Variants in SMG6 observed in about 807,000 individuals in gnomAD.
SMG6 encodes telomerase-binding protein EST1A.
In SMG6, 66 loss-of-function variants were observed where a neutral mutation model predicts 142.2. The observed-to-expected ratio is 0.46, with a 90% CI of 0.38 to 0.57. The LOEUF is 0.57. Among genes scored for constraint, SMG6 ranks in the 20% least tolerant of loss-of-function variants. The pLI is 0.00. For missense variants in SMG6, 1,793 were observed against 1,832.0 expected (o/e 0.98, Z 0.39); for synonymous variants, 779 against 702.4 (o/e 1.11, Z -1.72).
intron 10 of SMG6, among the ~76,000 whole-genome samples, chr17:2,207,822 C>T (rs755772422): frequency 6.6e-6 from 1 of 152,150 alleles, no homozygotes; most frequent in Non-Finnish European, 1.5e-5. Context: ...TAGCAACCCC[C>T]TGCCAAACAG....
chr17:2,068,298 G>A lies in SMG6; in HGVS notation c.3835+480C>T, dbSNP rs756317681. 3.3e-5 allele frequency among the ~76,000 whole-genome samples: 5 copies of A among 152,162 alleles called. No homozygotes were observed. Among genetic ancestry groups the A allele is most frequent in the Non-Finnish European group, 7.4e-5 (5 of 68,026 alleles). ...GGGTTCCTGCTGGCCTAGCCTTAGGGTGACACTGGCCAGAAGAATGCTACC... is the reference window on the plus strand; with the variant it reads ...GGGTTCCTGCTGGCCTAGCCTTAGGATGACACTGGCCAGAAGAATGCTACC... On this transcript the variant is annotated intron_variant, in intron 16 of 18. Transcript: ENST00000263073. The surrounding 1 kb of genome is among the most constrained non-coding windows in gnomAD (Gnocchi z 6.7).
intron 12 of SMG6, among the ~76,000 whole-genome samples, chr17:2,177,109 GT>G (rs2151664601): frequency 6.6e-6 from 1 of 152,258 alleles, no homozygotes; most frequent in South Asian, 2.1e-4. Flanking sequence ...GCTGAGGTGA[GT>G]TCTGCAAATA....
In SMG6 at chr17:2,224,995, G is replaced by A. The variant is rs546219041; in HGVS notation, c.2869+11497C>T. Among the ~76,000 whole-genome samples the A allele has an allele frequency of 5.9e-5, 9 of 152,182 alleles. No individual in the cohort carries two copies. The East Asian group carries it at 1.7e-3, about 29-fold the overall frequency. On this transcript the variant is annotated intron_variant, in intron 10 of 18. Transcript: ENST00000263073. ...ATGGGCTGAGCAAAAGTAACTGTTA[G>A]GCTAGAATTCTATTACTGGAATAAG... is the stretch of plus-strand genomic sequence containing the variant.
At chr17:2,063,272 A>G (rs2067837812) in intron 18 of SMG6, 1 of 152,256 alleles carries the variant, frequency 6.6e-6, no homozygotes, top group African/African-American at 2.4e-5. Flanking sequence ...TAGAAACCAG[A>G]GACTGTCATC....
intron 13 of SMG6, among the ~76,000 whole-genome samples, chr17:2,167,127 A>C (rs2071363383): frequency 1.3e-5 from 1 of 78,068 alleles, no homozygotes; most frequent in Non-Finnish European, 2.5e-5. Context: ...GTAGGACTCC[A>C]TCTCAAAAAA....
At chr17:2,087,472 C>T (rs2068595998) in intron 13 of SMG6, 1 of 1,088,714 alleles carries the variant, frequency 9.2e-7, no homozygotes. Flanking sequence ...TCACCATTGG[C>T]CCTGTTACCA....
chr17:2,301,114 TTAACA>T (rs1459055541), intron 1 of SMG6, among the ~76,000 whole-genome samples: 1 of 152,194 alleles, frequency 6.6e-6, no homozygotes, highest in Non-Finnish European at 1.5e-5. Context: ...CTAAGTTCTT[TTAACA>T]TAACAGCAGG....
chr17:2,129,742 T>A (rs930760553), intron 13 of SMG6, among the ~76,000 whole-genome samples: 3 of 122,642 alleles, frequency 2.4e-5, no homozygotes, highest in Admixed American at 2.4e-4. Context: ...TGCAATGAGC[T>A]GAGATCATGC....
chr17:2,140,495 T>C (rs8070954), intron 13 of SMG6, among the ~76,000 whole-genome samples: 112,806 of 152,002 alleles, frequency 0.74, 42,375 homozygotes, highest in African/African-American at 0.8. Context: ...CATGGTGAAA[T>C]CCTGTCTCTA....
chr17:2,097,462 G>T (rs542422417), intron 13 of SMG6, among the ~76,000 whole-genome samples: 1 of 152,092 alleles, frequency 6.6e-6, no homozygotes, highest in African/African-American at 2.4e-5. Flanking sequence ...TACACTAACA[G>T]ACTTTTTTCC....
intron 10 of SMG6, among the ~76,000 whole-genome samples, chr17:2,223,210 G>A (rs216172): frequency 6.6e-6 from 1 of 152,032 alleles, no homozygotes; most frequent in Non-Finnish European, 1.5e-5. Flanking sequence ...ACTGATCCTT[G>A]CCTCAGAAGC....
intron 5 of SMG6, 118 bp from the exon 6 acceptor site, chr17:2,292,748 T>C: frequency 7.0e-7 from 1 of 1,435,954 alleles, no homozygotes; most frequent in South Asian, 1.2e-5. Context: ...CCTGGAGGGG[T>C]AAGGCATGAC....
chr17:2,210,842 C>G (rs1222839684), intron 10 of SMG6, among the ~76,000 whole-genome samples: 5 of 148,920 alleles, frequency 3.4e-5, no homozygotes, highest in Admixed American at 6.7e-5. Flanking sequence ...CCCTTGTTAA[C>G]TAACTGAGTG....
intron 13 of SMG6, among the ~76,000 whole-genome samples, chr17:2,159,674 T>A (rs762476507): frequency 6.6e-6 from 1 of 152,198 alleles, no homozygotes; most frequent in Non-Finnish European, 1.5e-5. Context: ...CCTGGATATT[T>A]ATCCAAGAGA....
At chr17:2,238,451 G>A (rs551759271) in intron 9 of SMG6, among the ~76,000 whole-genome samples, 6 of 152,152 alleles carry the variant, frequency 3.9e-5, no homozygotes, top group South Asian at 2.1e-4. Flanking sequence ...GACTAGATCC[G>A]TTTTTCCCCA....
At chr17:2,147,342 A>G (rs965463541) in intron 13 of SMG6, among the ~76,000 whole-genome samples, 1 of 152,122 alleles carries the variant, frequency 6.6e-6, no homozygotes, top group African/African-American at 2.4e-5. Context: ...GCAGTGAGCC[A>G]GGATTGCACC....
At chr17:2,243,033 G>GGTGGCA (rs1217496262) in intron 9 of SMG6, among the ~76,000 whole-genome samples, 3 of 152,318 alleles carry the variant, frequency 2.0e-5, no homozygotes, top group East Asian at 1.9e-4. Flanking sequence ...AACTTAAACT[G>GGTGGCA]GTGGCAGTGG....
chr17:2,298,808 T>A, intron 2 of SMG6, 98 bp downstream of exon 2: 1 of 1,106,162 alleles, frequency 9.0e-7, no homozygotes, highest in Non-Finnish European at 1.3e-6. Context: ...TAATACCCAG[T>A]GGCTCAGCTA....
chr17:2,194,717 A>C lies in SMG6; in HGVS notation c.2870-6202T>G, dbSNP rs562761319. Among the ~76,000 whole-genome samples the C allele has an allele frequency of 1.1e-3, 170 of 151,588 alleles. 1 individual carries two copies. The highest frequency in any genetic ancestry group is 5.0e-3 in the East Asian group (26 of 5,178). ...GAAAAGAAAACAAAACAAAACAAAA[A>C]AAAAAAGAAAGAAACATCAAAAGAG... is the stretch of plus-strand genomic sequence containing the variant. On this transcript the variant is annotated intron_variant, in intron 10 of 18. Coordinates refer to ENST00000263073, the MANE Select transcript of SMG6 (RefSeq NM_017575.5).
Sources: allele counts gnomAD v4.1 joint callset (sites outside exome capture counted in the v4.1 genomes callset), GRCh38; gene constraint gnomAD v4.1.1; non-coding constraint Gnocchi (gnomAD v3.1); transcripts MANE v1.5; gene names NCBI Gene and HGNC (gene_info 2026-07-23, HGNC 2026-07-21).